The following ZNF566 variants were observed in gnomAD, a reference collection of about 807,000 sequenced individuals.
ZNF566 encodes zinc finger protein 566.
ZNF566 carries 27 observed loss-of-function variants against 32.8 expected under a neutral mutation model. The ratio of observed to expected loss-of-function variants is 0.82; its 90% CI spans 0.61 to 1.14. ZNF566 has a LOEUF of 1.14. Ranked by LOEUF, ZNF566 falls within the 50% of genes most tolerant of loss-of-function variation. The probability of loss-of-function intolerance (pLI) is 0.00; values close to 1 mark genes in which losing one functional copy is unlikely to be tolerated. For synonymous variants in ZNF566, 154 were observed against 159.5 expected (o/e 0.97, Z 0.26); for missense variants, 402 against 490.4 (o/e 0.82, Z 1.70).
At position 36,467,190 on chromosome 19, in the gene ZNF566, C is replaced by G. The variant is rs546680262; in HGVS notation, c.232+5721G>C. On this transcript the variant is annotated intron_variant, in intron 4 of 4. Coordinates refer to ENST00000452939, the MANE Select transcript of ZNF566 (RefSeq NM_001145344.1). ...GTGGCTCACGCCTGTAATCCCAGCACTTTGGGAGGCCGAGACAGGCGGATC... is the reference window on the plus strand; with the variant it reads ...GTGGCTCACGCCTGTAATCCCAGCAGTTTGGGAGGCCGAGACAGGCGGATC... Among the ~76,000 whole-genome samples the G allele has an allele frequency of 2.0e-5, 3 of 151,314 alleles. No homozygotes were observed. The South Asian group carries it at 6.2e-4, about 31-fold the overall frequency.
chr19:36,469,272 C>T (rs1159008371), intron 4 of ZNF566, among the ~76,000 whole-genome samples: 1 of 151,894 alleles, frequency 6.6e-6, no homozygotes, highest in African/African-American at 2.4e-5. Flanking sequence ...GACGCGGTGG[C>T]TTACGCCTGC....
chr19:36,450,339 G>A (rs1330208390), intron 4 of ZNF566, among the ~76,000 whole-genome samples: 1 of 152,066 alleles, frequency 6.6e-6, no homozygotes, highest in African/African-American at 2.4e-5. Flanking sequence ...GCATCTCATA[G>A]TATGAATTAT....
intron 4 of ZNF566, among the ~76,000 whole-genome samples, chr19:36,472,069 C>T (rs1002896006): frequency 6.6e-6 from 1 of 152,094 alleles, no homozygotes; most frequent in Non-Finnish European, 1.5e-5. Context: ...ATTACTGTAA[C>T]CTCAGTGTTG....
At chr19:36,489,444 C>T (rs112682067) in intron 1 of ZNF566, 42 bp downstream of exon 1, 56,478 of 301,300 alleles carry the variant, frequency 0.19, 5,826 homozygotes, top group Middle Eastern at 0.24. Context: ...AGGCTTGGCC[C>T]CCGGCCCCGC....
chr19:36,450,978 T>C (rs567947173), intron 4 of ZNF566, among the ~76,000 whole-genome samples: 1 of 152,266 alleles, frequency 6.6e-6, no homozygotes, highest in Non-Finnish European at 1.5e-5. Flanking sequence ...GCTAGCTACA[T>C]GTGGCTTTTA....
chr19:36,468,150 A>G (rs1434555947), intron 4 of ZNF566, among the ~76,000 whole-genome samples: 4 of 146,504 alleles, frequency 2.7e-5, no homozygotes, highest in African/African-American at 7.7e-5. Flanking sequence ...GTGTCATTGC[A>G]CTCCAGCCTG....
intron 4 of ZNF566, among the ~76,000 whole-genome samples, chr19:36,467,818 A>G (rs1271576801): frequency 2.1e-5 from 3 of 144,392 alleles, no homozygotes; most frequent in South Asian, 2.2e-4. Flanking sequence ...AAAAAAAAAA[A>G]AAAAAAGAAA....
intron 4 of ZNF566, among the ~76,000 whole-genome samples, chr19:36,463,182 C>T (rs964604508): frequency 4.0e-5 from 6 of 150,584 alleles, no homozygotes; most frequent in Non-Finnish European, 8.9e-5. Flanking sequence ...CACATGTCTG[C>T]GGTTTCAGCT....
At chr19:36,478,889 T>C (rs1183684812) in intron 1 of ZNF566, among the ~76,000 whole-genome samples, 2 of 152,228 alleles carry the variant, frequency 1.3e-5, no homozygotes, top group African/African-American at 2.4e-5. Flanking sequence ...CCAGGCTCAG[T>C]GTTCCTCAGT....
In ZNF566 at chr19:36,449,837, C is replaced by T. The variant is rs199565634; in HGVS notation, c.397G>A (p.Gly133Ser). 1.2e-5 allele frequency: 19 copies of T among 1,614,020 alleles called. No individual in the cohort carries two copies. The highest frequency in any genetic ancestry group is 1.4e-5 in the Non-Finnish European group (17 of 1,180,028). The change falls in exon 5 of 5, where the codon GGC (glycine) becomes AGC (serine). Residue 133 changes from glycine (G) to serine (S), a missense_variant. Transcript: ENST00000452939. Reference protein sequence around the residue: ...ECNRQFKKELGSQGGHFNQLV... With the variant: ...ECNRQFKKELSSQGGHFNQLV... ...TGATTGAAATGTCCCCCCTGAGAGCCGAGTTCTTTCTTAAACTGCCGATTA... is the reference window on the plus strand; with the variant it reads ...TGATTGAAATGTCCCCCCTGAGAGCTGAGTTCTTTCTTAAACTGCCGATTA...
intron 4 of ZNF566, among the ~76,000 whole-genome samples, chr19:36,462,649 T>C (rs2033498192): frequency 6.6e-6 from 1 of 151,768 alleles, no homozygotes; most frequent in African/African-American, 2.4e-5. Flanking sequence ...AATATAGACA[T>C]ATATTTGTGT....
At chr19:36,464,210 T>C (rs2033555146) in intron 4 of ZNF566, among the ~76,000 whole-genome samples, 1 of 152,092 alleles carries the variant, frequency 6.6e-6, no homozygotes, top group Non-Finnish European at 1.5e-5. Context: ...AAGGCAGGGA[T>C]AAAAAGGCTC....
At chr19:36,453,140 AAAAC>A (rs922430396) in intron 4 of ZNF566, among the ~76,000 whole-genome samples, 3 of 150,732 alleles carry the variant, frequency 2.0e-5, no homozygotes, top group Non-Finnish European at 2.9e-5. Context: ...AAAAAACAAA[AAAAC>A]AAACAAAAAA....
Position 36,446,868 on chromosome 19 carries a change from G to C in ZNF566, c.*2109C>G, listed in dbSNP as rs954145532. 6.6e-6 allele frequency: 1 copy of C among 152,034 alleles called. No homozygotes were observed. The highest frequency in any genetic ancestry group is 6.6e-5 in the Admixed American group (1 of 15,262). 9.4% of individuals were successfully genotyped at this position (152,034 alleles called of 1,614,324 possible). On this transcript the variant is annotated 3_prime_UTR_variant, in exon 5 of 5. Transcript: ENST00000452939. ...ACAGGATCTAAGAAAAAAGGAAGTG[G>C]GGCATAAAATAACAGTTCTACAGAC...
At chr19:36,483,620 A>ATAC (rs1424519596) in intron 1 of ZNF566, among the ~76,000 whole-genome samples, 1 of 152,130 alleles carries the variant, frequency 6.6e-6, no homozygotes, top group Non-Finnish European at 1.5e-5. Flanking sequence ...AATAATAATA[A>ATAC]TAGAGAATAG....
chr19:36,481,402 C>T (rs2967457), intron 1 of ZNF566, among the ~76,000 whole-genome samples: 50,602 of 144,904 alleles, frequency 0.35, 8,707 homozygotes, highest in South Asian at 0.42. Context: ...ACCCAGGAGG[C>T]GGAGGTTGCA....
intron 4 of ZNF566, among the ~76,000 whole-genome samples, chr19:36,455,573 C>T (rs2033280823): frequency 6.6e-6 from 1 of 151,636 alleles, no homozygotes; most frequent in African/African-American, 2.4e-5. Context: ...AACATCCCGT[C>T]TCTACTAAAA....
intron 4 of ZNF566, among the ~76,000 whole-genome samples, chr19:36,456,911 A>T (rs2033329873): frequency 6.6e-6 from 1 of 152,216 alleles, no homozygotes; most frequent in South Asian, 2.1e-4. Flanking sequence ...TTCATATGGA[A>T]CCATAAAAGA....
At chr19:36,467,802 AAAAAAAAAAAAAAAAAAAAAAAG>A (rs2033659167) in intron 4 of ZNF566, among the ~76,000 whole-genome samples, 1 of 21,556 alleles carries the variant, frequency 4.6e-5, no homozygotes, top group African/African-American at 1.8e-4. Flanking sequence ...AAAAAAAAAA[AAAAAAAAAAAAAAAAAAAAAAAG>A]AAAAAAAGAA....
Sources: allele counts gnomAD v4.1 joint callset (sites outside exome capture counted in the v4.1 genomes callset), GRCh38; gene constraint gnomAD v4.1.1; transcripts MANE v1.5; gene names NCBI Gene and HGNC (gene_info 2026-07-23, HGNC 2026-07-21).